MBD5: variants seen among roughly 807,000 people sequenced by gnomAD.
MBD5 encodes the protein methyl-CpG-binding domain protein 5.
A neutral mutation model predicts 117.3 loss-of-function variants in MBD5; 13 were observed. The observed-to-expected ratio is 0.11, with a 90% confidence interval of 0.07 to 0.18. The LOEUF (loss-of-function observed/expected upper bound fraction) is 0.18, where lower values mean the gene tolerates loss of function less well. Ranked by LOEUF, MBD5 falls within the 10% of genes least tolerant of loss-of-function variation. The pLI is 1.00. For synonymous variants in MBD5, 727 were observed against 766.4 expected, an observed-to-expected ratio of 0.95 and a Z score of 0.85; for missense variants, 1,879 against 2,093.8, an observed-to-expected ratio of 0.90 and a Z score of 2.00.
chr2:148,485,674 G>A, intron 9 of MBD5, 68 bp from the exon 10 acceptor site: 1 of 1,210,452 alleles, frequency 8.3e-7, no homozygotes, highest in Non-Finnish European at 1.2e-6. Context: ...GAATTCTCGG[G>A]TACAAAGAGA....
At chr2:148,218,853 G>A (rs1699617766) in intron 2 of MBD5, among the ~76,000 whole-genome samples, 1 of 152,146 alleles carries the variant, frequency 6.6e-6, no homozygotes, top group African/African-American at 2.4e-5. Context: ...AAGTTGCTCT[G>A]AGTGAGTCAG....
chr2:148,489,904 C>A lies in MBD5; in HGVS notation c.4272C>A (p.His1424Gln). ...GFEYFKSASC[H>Q]TSKKQWDGEQ... ...AATATTTCAAGTCAGCAAGTTGCCA[C>A]ACATCCAAAAAACAGTGGGACGGGG... The change falls in exon 11 of 14, where the codon CAC (histidine) becomes CAA (glutamine). Residue 1424 changes from histidine (H) to glutamine (Q), a missense_variant. Around this residue, in one of 4 missense-constraint regions of MBD5, gnomAD observed 1,666 missense variants for 1,792.2 expected, o/e 0.93. Transcript: ENST00000642680. The A allele has an allele frequency of 6.2e-7, 1 of 1,614,070 alleles. No homozygotes were observed. Among genetic ancestry groups the A allele is most frequent in the African/African-American group, 1.3e-5 (1 of 75,008 alleles).
At chr2:148,437,202 C>T (rs568109064) in intron 4 of MBD5, among the ~76,000 whole-genome samples, 4 of 151,770 alleles carry the variant, frequency 2.6e-5, no homozygotes, top group South Asian at 2.1e-4. Flanking sequence ...AGGATGGTCT[C>T]GATCTCCTGA....
chr2:148,266,844 AAC>A (rs1209776180), intron 3 of MBD5, among the ~76,000 whole-genome samples: 1 of 152,174 alleles, frequency 6.6e-6, no homozygotes, highest in Non-Finnish European at 1.5e-5. Context: ...TGGTAAGACT[AAC>A]ACAATAAAAC....
intron 4 of MBD5, among the ~76,000 whole-genome samples, chr2:148,445,991 C>A (rs533831194): frequency 6.7e-6 from 1 of 150,168 alleles, no homozygotes; most frequent in Non-Finnish European, 1.5e-5. Context: ...GTTTTTTTTT[C>A]TTGTAAATTT....
intron 4 of MBD5, among the ~76,000 whole-genome samples, chr2:148,374,435 T>A (rs1487021097): frequency 6.6e-6 from 1 of 152,200 alleles, no homozygotes; most frequent in Non-Finnish European, 1.5e-5. Flanking sequence ...TTCCTTTTAT[T>A]TTTCTTGTTA....
At chr2:148,221,293 A>G (rs1319955023) in intron 2 of MBD5, among the ~76,000 whole-genome samples, 1 of 152,114 alleles carries the variant, frequency 6.6e-6, no homozygotes, top group East Asian at 1.9e-4. Flanking sequence ...CCCAGCAGTG[A>G]GATTACTGAA....
chr2:148,425,904 T>C (rs1705765825), intron 4 of MBD5, among the ~76,000 whole-genome samples: 1 of 152,076 alleles, frequency 6.6e-6, no homozygotes, highest in Non-Finnish European at 1.5e-5. Context: ...ATAAGAGCTA[T>C]GTATGTCAGC....
chr2:148,371,319 T>A (rs1169468067), intron 4 of MBD5, among the ~76,000 whole-genome samples: 1 of 152,110 alleles, frequency 6.6e-6, no homozygotes, highest in African/African-American at 2.4e-5. Context: ...ACAGAAAGAA[T>A]CCCACATCAA....
In MBD5 at chr2:148,434,810, T is replaced by A. The variant is rs73017199; in HGVS notation, c.-556-23393T>A. ...CCAGTTCAAGTTCTGAATATCATTT[T>A]TAGTTTTTTGCCTTGATGATCTGTC... On this transcript the variant is annotated intron_variant, in intron 4 of 13. Transcript: ENST00000642680. Among the ~76,000 whole-genome samples, 842 of 152,310 alleles carry A rather than the reference T, an allele frequency of 5.5e-3. 8 individuals carry two copies. The highest frequency in any genetic ancestry group is 0.02 in the African/African-American group (815 of 41,566).
At chr2:148,478,381 G>A (rs372554939) in intron 8 of MBD5, among the ~76,000 whole-genome samples, 1 of 152,088 alleles carries the variant, frequency 6.6e-6, no homozygotes, top group African/African-American at 2.4e-5. Flanking sequence ...TCAGGAGTTC[G>A]AGACCAGCCT....
Position 148,483,831 on chromosome 2 carries a change from A to C in MBD5, c.3240A>C (p.Ser1080=). 6.4e-7 allele frequency: 1 copy of C among 1,550,612 alleles called. No individual in the cohort carries two copies. Among genetic ancestry groups the C allele is most frequent in the Non-Finnish European group, 8.7e-7 (1 of 1,146,986 alleles). The change falls in exon 9 of 14, where the codon TCA becomes TCC. Residue 1080 remains serine (S), a synonymous_variant. Transcript: ENST00000642680. The part of the protein sequence containing the change: ...PLFLPAVNGA[S]GLMTLNPQLL... ...TCCTCCCAGCTGTCAATGGGGCCTC[A>C]GGATTAATGACCTTGAATCCCCAGC...
At position 148,161,084 on chromosome 2, in the gene MBD5, G is replaced by T. The variant is rs545379756; in HGVS notation, c.-924-17616G>T. On this transcript the variant is annotated intron_variant, in intron 1 of 13. Transcript: ENST00000642680. ...GTCAGTTTCACAGCTACAAATATTGGTCCTGGTACCGATATATAGTTTACA... is the reference window on the plus strand; with the variant it reads ...GTCAGTTTCACAGCTACAAATATTGTTCCTGGTACCGATATATAGTTTACA... Among the ~76,000 whole-genome samples, 3 of 152,170 alleles carry T rather than the reference G, an allele frequency of 2.0e-5. No homozygotes were observed. The South Asian group carries it at 6.2e-4, about 32-fold the overall frequency.
chr2:148,476,334 C>T (rs1322762940), intron 8 of MBD5, among the ~76,000 whole-genome samples: 6 of 152,302 alleles, frequency 3.9e-5, no homozygotes, highest in Non-Finnish European at 7.4e-5. Context: ...AATTAACTTG[C>T]ATTACAGTCC....
At chr2:148,416,620 AT>A (rs898878996) in intron 4 of MBD5, among the ~76,000 whole-genome samples, 114 of 151,716 alleles carry the variant, frequency 7.5e-4, no homozygotes, top group Non-Finnish European at 1.4e-3. Context: ...TATATATTTA[AT>A]TTTTTTTTAT....
intron 3 of MBD5, among the ~76,000 whole-genome samples, chr2:148,335,011 T>C (rs148215536): frequency 8.1e-4 from 123 of 152,300 alleles, no homozygotes; most frequent in African/African-American, 2.9e-3. Flanking sequence ...CAATAACTAG[T>C]AGTCATATAT....
intron 3 of MBD5, among the ~76,000 whole-genome samples, chr2:148,268,703 A>T (rs931273097): frequency 1.3e-5 from 2 of 151,818 alleles, no homozygotes; most frequent in Middle Eastern, 3.5e-3. Flanking sequence ...GATATTGGAC[A>T]TTATAAAAAA....
intron 2 of MBD5, among the ~76,000 whole-genome samples, chr2:148,230,319 C>T (rs1161730869): frequency 6.6e-6 from 1 of 152,176 alleles, no homozygotes; most frequent in Non-Finnish European, 1.5e-5. Context: ...AGAGCCTCAC[C>T]CTATGGCTAC....
At chr2:148,329,169 A>T (rs567985427) in intron 3 of MBD5, among the ~76,000 whole-genome samples, 1 of 152,216 alleles carries the variant, frequency 6.6e-6, no homozygotes, top group African/African-American at 2.4e-5. Flanking sequence ...GATATATCAG[A>T]TGGAGCAAAT....
Sources: allele counts gnomAD v4.1 joint callset (sites outside exome capture counted in the v4.1 genomes callset), GRCh38; gene constraint gnomAD v4.1.1; regional missense constraint gnomAD v4.1.1; transcripts MANE v1.5; gene names NCBI Gene and HGNC (gene_info 2026-07-23, HGNC 2026-07-21).